ATXN1: variants seen among roughly 807,000 people sequenced by gnomAD.
The protein encoded by ATXN1 is ataxin-1.
A neutral mutation model predicts 56.4 loss-of-function variants in ATXN1; 8 were observed. The observed-to-expected ratio is 0.14, with a 90% CI of 0.08 to 0.26. ATXN1 has a LOEUF of 0.26. ATXN1 is among the 10% of genes least tolerant of loss of function. The pLI, the probability that ATXN1 is intolerant of heterozygous loss-of-function variation, is 1.00. For missense variants in ATXN1, 987 were observed against 1,106.5 expected (o/e 0.89, Z 1.53); for synonymous variants, 514 against 494.6 (o/e 1.04, Z -0.52).
intron 1 of ATXN1, chr6:16,754,556 G>T (rs1760830227): frequency 2.0e-5 from 3 of 152,170 alleles, no homozygotes; most frequent in Non-Finnish European, 2.9e-5. Context: ...ATTTTTAAGA[G>T]CACAGCCCAG....
At chr6:16,675,517 T>C (rs1758641670) in intron 2 of ATXN1, among the ~76,000 whole-genome samples, 1 of 152,260 alleles carries the variant, frequency 6.6e-6, no homozygotes, top group South Asian at 2.1e-4. Context: ...AGTCAACTTA[T>C]GGCACACATG....
intron 7 of ATXN1, among the ~76,000 whole-genome samples, chr6:16,325,627 C>A (rs1044356272): frequency 2.0e-5 from 3 of 152,138 alleles, no homozygotes; most frequent in East Asian, 1.9e-4. Flanking sequence ...AGGTGCCCCC[C>A]ACTTTACGGT....
rs1182169245 is a variant in ATXN1, at chr6:16,657,877, G to C, written c.-590C>G. On this transcript the variant is annotated 5_prime_UTR_variant, in exon 3 of 8. Transcript: ENST00000436367. ...GCACTAAGTTTGAAGCTTCAAAATAGACTCTTTCACTATGCTCCAGTATGC... is the reference window on the plus strand; with the variant it reads ...GCACTAAGTTTGAAGCTTCAAAATACACTCTTTCACTATGCTCCAGTATGC... 2 of 152,146 alleles carry C rather than the reference G, an allele frequency of 1.3e-5. No homozygotes were observed. The highest frequency in any genetic ancestry group is 1.9e-4 in the East Asian group (1 of 5,200). 9.4% of individuals were successfully genotyped at this position (152,146 alleles called of 1,614,324 possible).
chr6:16,561,586 T>C (rs1581845410), intron 4 of ATXN1, among the ~76,000 whole-genome samples: 1 of 152,112 alleles, frequency 6.6e-6, no homozygotes, highest in South Asian at 2.1e-4. Context: ...TTAAAAGAAA[T>C]GTGTTTCAAC....
chr6:16,679,394 GGATGGATGGAT>G (rs1758766381), intron 2 of ATXN1, among the ~76,000 whole-genome samples: 1 of 151,412 alleles, frequency 6.6e-6, no homozygotes, highest in African/African-American at 2.4e-5. Context: ...ATGGATGGAT[GGATGGATGGAT>G]GGATGGAAGA....
At position 16,300,309 on chromosome 6, in the gene ATXN1, T is replaced by G. The variant is rs905921465; in HGVS notation, c.*6020A>C. ...CAAATGCACTTAATTTTAATACAGT[T>G]GAACCATTTGTATGCAAGTCATGGG... On this transcript the variant is annotated 3_prime_UTR_variant, in exon 8 of 8. Coordinates refer to ENST00000436367, the MANE Select transcript of ATXN1 (RefSeq NM_001128164.2). 1 of 152,634 alleles carries G rather than the reference T, an allele frequency of 6.6e-6. No individual in the cohort carries two copies. Among genetic ancestry groups the G allele is most frequent in the African/African-American group, 2.4e-5 (1 of 41,460 alleles). The allele number at this position is 152,634 out of a possible 1,614,324, so 9.5% of individuals were successfully genotyped here. A position where few individuals can be genotyped will look rare whatever the true frequency, so the allele number is the denominator to read the frequency against.
chr6:16,665,969 ATTTC>A (rs1183067508), intron 2 of ATXN1, among the ~76,000 whole-genome samples: 1 of 152,138 alleles, frequency 6.6e-6, no homozygotes, highest in Admixed American at 6.5e-5. Context: ...CCATCACTTC[ATTTC>A]TTTTTGTTAG....
chr6:16,578,247 T>C (rs1762460496), intron 4 of ATXN1, among the ~76,000 whole-genome samples: 1 of 152,232 alleles, frequency 6.6e-6, no homozygotes, highest in Admixed American at 6.5e-5. Flanking sequence ...TTCCCTGGAA[T>C]CTTCCTTTTG....
intron 4 of ATXN1, among the ~76,000 whole-genome samples, chr6:16,531,915 A>G (rs1179533527): frequency 6.6e-6 from 1 of 152,258 alleles, no homozygotes; most frequent in Non-Finnish European, 1.5e-5. Flanking sequence ...ATACGGTTCT[A>G]AAAATAGTAT....
rs1315261395 is a variant in ATXN1 at position 16,506,356 on chromosome 6, T to G, written c.-299+16271A>C. ...ATTTTCTAATGATTTTTCTCTAGTA[T>G]GATTTTATTTAATAGTTTTACATAA... On this transcript the variant is annotated intron_variant, in intron 5 of 7. Transcript: ENST00000436367. This position sits in a 1 kb window ranked among gnomAD's most constrained non-coding sequence, Gnocchi z 4.1. 6.6e-6 allele frequency among the ~76,000 whole-genome samples: 1 copy of G among 152,212 alleles called. No individual in the cohort carries two copies. Among genetic ancestry groups the G allele is most frequent in the African/African-American group, 2.4e-5 (1 of 41,458 alleles).
intron 3 of ATXN1, among the ~76,000 whole-genome samples, chr6:16,589,319 A>G (rs2113768788): frequency 2.0e-5 from 3 of 152,288 alleles, no homozygotes; most frequent in Admixed American, 2.0e-4. Context: ...TCCCCTCATC[A>G]TAGTACCCCA....
chr6:16,648,545 T>C (rs567884441), intron 3 of ATXN1, among the ~76,000 whole-genome samples: 2 of 152,186 alleles, frequency 1.3e-5, no homozygotes, highest in East Asian at 3.9e-4. Flanking sequence ...AAACTGGGAG[T>C]CTGCACATTC....
At chr6:16,578,985 C>G (rs1350919095) in intron 4 of ATXN1, among the ~76,000 whole-genome samples, 2 of 152,204 alleles carry the variant, frequency 1.3e-5, no homozygotes, top group African/African-American at 2.4e-5. Flanking sequence ...ATTTTGGAAT[C>G]TGCTATTTCT....
intron 5 of ATXN1, among the ~76,000 whole-genome samples, chr6:16,495,513 C>A (rs1050654637): frequency 2.6e-5 from 4 of 152,168 alleles, no homozygotes; most frequent in Non-Finnish European, 5.9e-5. Context: ...TTTTTATGAA[C>A]TACTACCATG....
intron 4 of ATXN1, among the ~76,000 whole-genome samples, chr6:16,562,767 TGTTG>T (rs1359460987): frequency 2.0e-5 from 3 of 151,876 alleles, no homozygotes; most frequent in African/African-American, 7.3e-5. Context: ...TTTCAAAACA[TGTTG>T]AGGTTAAAGA....
chr6:16,552,054 G>A (rs978471680), intron 4 of ATXN1, among the ~76,000 whole-genome samples: 3 of 152,188 alleles, frequency 2.0e-5, no homozygotes, highest in Admixed American at 1.3e-4. Context: ...GATATGTGTC[G>A]TGGGAGGACA....
At chr6:16,653,814 A>G (rs1758132154) in intron 3 of ATXN1, among the ~76,000 whole-genome samples, 1 of 152,164 alleles carries the variant, frequency 6.6e-6, no homozygotes, top group Admixed American at 6.5e-5. Flanking sequence ...AGGGAATGCA[A>G]CCCTCATGGC....
chr6:16,588,628 CATTG>C (rs1762670069), intron 3 of ATXN1, among the ~76,000 whole-genome samples: 1 of 152,124 alleles, frequency 6.6e-6, no homozygotes, highest in Non-Finnish European at 1.5e-5. Flanking sequence ...TTGGTTGATT[CATTG>C]ATTAATGCTT....
chr6:16,693,653 C>G (rs144343115), intron 2 of ATXN1, among the ~76,000 whole-genome samples: 3 of 152,144 alleles, frequency 2.0e-5, no homozygotes, highest in Non-Finnish European at 4.4e-5. Context: ...GCACACCCAC[C>G]GTGAGAACAT....
Sources: gnomAD v4.1 joint callset for allele counts (sites outside exome capture counted in the v4.1 genomes callset) on GRCh38, gnomAD v4.1.1 for gene constraint, Gnocchi (gnomAD v3.1) non-coding constraint, MANE v1.5 for transcripts, NCBI Gene and HGNC (gene_info 2026-07-23, HGNC 2026-07-21) for gene names.